Variants in RUFY3 observed in about 807,000 individuals in gnomAD.
RUFY3 encodes the protein protein RUFY3.
RUFY3 carries 34 observed loss-of-function variants against 84.0 expected under a neutral mutation model. The observed-to-expected ratio is 0.40, with a 90% CI of 0.31 to 0.54. The LOEUF (loss-of-function observed/expected upper bound fraction) is 0.54, where lower values mean the gene tolerates loss of function less well. Ranked by LOEUF, RUFY3 falls within the 20% of genes least tolerant of loss-of-function variation. The pLI, the probability that RUFY3 is intolerant of heterozygous loss-of-function variation, is 0.39. For synonymous variants in RUFY3, 242 were observed against 252.9 expected (o/e 0.96, Z 0.41); for missense variants, 507 against 736.8 (o/e 0.69, Z 3.61).
At chr4:70,740,009 A>G (rs77846624) in intron 1 of RUFY3, among the ~76,000 whole-genome samples, 3 of 151,200 alleles carry the variant, frequency 2.0e-5, no homozygotes, top group African/African-American at 4.9e-5. Context: ...AAAAAAAAAA[A>G]GATGAAACAC....
At chr4:70,769,703 T>A (rs928375566) in intron 5 of RUFY3, among the ~76,000 whole-genome samples, 6 of 152,256 alleles carry the variant, frequency 3.9e-5, no homozygotes, top group Admixed American at 3.9e-4. Flanking sequence ...AAAATTGGAG[T>A]CAGTCCTCTC....
intron 1 of RUFY3, among the ~76,000 whole-genome samples, chr4:70,760,308 A>C (rs547718209): frequency 1.3e-5 from 2 of 152,216 alleles, no homozygotes; most frequent in African/African-American, 2.4e-5. Context: ...ACCCAAGTCT[A>C]TCTCTCACCA....
chr4:70,759,207 T>C (rs922017537), intron 1 of RUFY3, among the ~76,000 whole-genome samples: 9 of 152,202 alleles, frequency 5.9e-5, no homozygotes, highest in Non-Finnish European at 1.3e-4. Context: ...TCTCTACTTC[T>C]ATGAGCTCAA....
Position 70,756,052 on chromosome 4 carries a change from GC to G in RUFY3, c.179-6466del, listed in dbSNP as rs564944016. Among the ~76,000 whole-genome samples, 252 of 152,072 alleles carry G rather than the reference GC, an allele frequency of 1.7e-3. 3 individuals are homozygous for G. Among genetic ancestry groups the G allele is most frequent in the African/African-American group, 5.6e-3 (232 of 41,470 alleles). On this transcript the variant is annotated intron_variant, in intron 1 of 17. Transcript: ENST00000381006. Reference sequence around the variant, plus strand: ...TTCCACATGATTTCTTTAGTCCAGTGCTCTTGCTGTATTCCCCACCAATGTG... The same window carrying G: ...TTCCACATGATTTCTTTAGTCCAGTGTCTTGCTGTATTCCCCACCAATGTG...
At chr4:70,779,446 T>G (rs1389304475) in intron 8 of RUFY3, among the ~76,000 whole-genome samples, 2 of 152,220 alleles carry the variant, frequency 1.3e-5, no homozygotes, top group East Asian at 3.8e-4. Flanking sequence ...GTTTTACTTC[T>G]AATAAAAATA....
intron 1 of RUFY3, among the ~76,000 whole-genome samples, chr4:70,711,926 T>A (rs573322826): frequency 5.3e-5 from 8 of 152,350 alleles, no homozygotes; most frequent in Non-Finnish European, 1.2e-4. Flanking sequence ...TGCCACCACC[T>A]TTTTGTTGCA....
intron 4 of RUFY3, among the ~76,000 whole-genome samples, chr4:70,766,347 C>T (rs983272862): frequency 2.0e-5 from 3 of 152,070 alleles, no homozygotes; most frequent in Non-Finnish European, 2.9e-5. Context: ...CAGGTTCAAT[C>T]GATTCTCCTG....
At chr4:70,732,751 C>A (rs1195295937) in intron 1 of RUFY3, among the ~76,000 whole-genome samples, 2 of 132,414 alleles carry the variant, frequency 1.5e-5, no homozygotes, top group Non-Finnish European at 3.1e-5. Flanking sequence ...ACACTGGGGA[C>A]CTGTCGGTGG....
rs1004998440 is a variant in RUFY3, at chr4:70,735,779, G to A, written c.178+13028G>A. Among the ~76,000 whole-genome samples the A allele has an allele frequency of 3.3e-5, 5 of 152,264 alleles. No homozygotes were observed. In the South Asian group the frequency reaches 1.0e-3, roughly 32 times the overall value. ...AGGCGGGTGGATCACCTGAGGTCAG[G>A]AGTTCGAGACCAGCCTGGCCAACCT... On this transcript the variant is annotated intron_variant, in intron 1 of 17. Coordinates refer to ENST00000381006, the MANE Select transcript of RUFY3 (RefSeq NM_001037442.4).
At chr4:70,736,903 T>C (rs1560469880) in intron 1 of RUFY3, among the ~76,000 whole-genome samples, 1 of 152,202 alleles carries the variant, frequency 6.6e-6, no homozygotes, top group Non-Finnish European at 1.5e-5. Context: ...GACTATTTCT[T>C]TATTACAGGC....
chr4:70,792,748 T>C (rs988414265), intron 12 of RUFY3: 11 of 985,256 alleles, frequency 1.1e-5, no homozygotes, highest in African/African-American at 1.7e-5. Flanking sequence ...TGTGTGCTTA[T>C]ATAGGTCCCT....
chr4:70,757,412 C>A (rs1324194762), intron 1 of RUFY3, among the ~76,000 whole-genome samples: 2 of 152,124 alleles, frequency 1.3e-5, no homozygotes, highest in Non-Finnish European at 2.9e-5. Flanking sequence ...TGAGACCAGC[C>A]TGACCAATAT....
rs1382723477 is a variant in RUFY3, at chr4:70,710,917, T to C, written c.358+5623T>C. Among the ~76,000 whole-genome samples, 3 of 150,192 alleles carry C rather than the reference T, an allele frequency of 2.0e-5. No homozygotes were observed. In the East Asian group the frequency reaches 6.0e-4, roughly 30 times the overall value. On this transcript the variant is annotated intron_variant, in intron 1 of 11. Transcript: ENST00000417478. The stretch of plus-strand genomic sequence containing the variant: ...GTCTCTACTAAAAATACAAAAAAAT[T>C]AGCCAGGTATGGTAGTGCACGCCTG...
chr4:70,717,500 A>G (rs1387180448), upstream of RUFY3, among the ~76,000 whole-genome samples: 12 of 152,190 alleles, frequency 7.9e-5, no homozygotes, highest in Admixed American at 6.5e-4. Flanking sequence ...GGTGTAAAGT[A>G]TGGAGGCTGA....
intron 12 of RUFY3, chr4:70,791,587 A>T (rs1331831445): frequency 1.6e-6 from 2 of 1,213,160 alleles, no homozygotes; most frequent in Non-Finnish European, 2.1e-6. Flanking sequence ...CACTTTCTTT[A>T]AAAAAGCCTA....
chr4:70,730,701 C>G (rs908628285), intron 1 of RUFY3, among the ~76,000 whole-genome samples: 2 of 151,918 alleles, frequency 1.3e-5, no homozygotes, highest in Non-Finnish European at 2.9e-5. Context: ...ATTGCACCAC[C>G]GCACTCACTC....
intron 14 of RUFY3, among the ~76,000 whole-genome samples, chr4:70,796,762 G>T (rs56348032): frequency 0.016 from 2,365 of 152,188 alleles, 60 homozygotes; most frequent in African/African-American, 0.054. Context: ...TTATCCTTTT[G>T]TAAACTGCCC....
intron 14 of RUFY3, 46 bp downstream of exon 14, chr4:70,794,940 A>G: frequency 7.9e-7 from 1 of 1,269,374 alleles, no homozygotes; most frequent in South Asian, 1.2e-5. Flanking sequence ...TTCAGTTTAA[A>G]TTTTAGAGGC....
chr4:70,734,529 T>G (rs950078401), intron 1 of RUFY3: 1 of 985,346 alleles, frequency 1.0e-6, no homozygotes, highest in Admixed American at 6.1e-5. Context: ...CAAAGTTTTC[T>G]GGACACGGTT....
Sources: allele counts gnomAD v4.1 joint callset (sites outside exome capture counted in the v4.1 genomes callset), GRCh38; gene constraint gnomAD v4.1.1; transcripts MANE v1.5; gene names NCBI Gene and HGNC (gene_info 2026-07-23, HGNC 2026-07-21).